EBF3: variants seen among roughly 807,000 people sequenced by gnomAD.
The protein encoded by EBF3 is EBF transcription factor 3, also known as transcription factor COE3.
A neutral mutation model predicts 77.1 loss-of-function variants in EBF3; 18 were observed. The ratio of observed to expected loss-of-function variants is 0.23; its 90% confidence interval spans 0.16 to 0.35. EBF3 has a LOEUF of 0.35. Among genes scored for constraint, EBF3 ranks in the 10% least tolerant of loss-of-function variants. EBF3 has a pLI of 1.00. For missense variants in EBF3, 558 were observed against 860.0 expected, an observed-to-expected ratio of 0.65 and a Z score of 4.39; for synonymous variants, 350 against 343.5, an observed-to-expected ratio of 1.02 and a Z score of -0.21.
At chr10:129,959,496 G>A (rs1038760197) in intron 4 of EBF3, among the ~76,000 whole-genome samples, 12 of 152,072 alleles carry the variant, frequency 7.9e-5, no homozygotes, top group Non-Finnish European at 1.5e-4. Context: ...AGCAGGGAAG[G>A]ATGGTCGCGG....
intron 6 of EBF3, among the ~76,000 whole-genome samples, chr10:129,919,131 C>T (rs1353097360): frequency 2.6e-5 from 4 of 152,288 alleles, no homozygotes; most frequent in South Asian, 2.1e-4. Context: ...CCAAACACAA[C>T]GCAGACCAAG....
rs534733459 is a variant in EBF3 at position 129,943,447 on chromosome 10, C to G, written c.554+13811G>C. On this transcript the variant is annotated intron_variant, in intron 6 of 16. Coordinates refer to ENST00000440978, the MANE Select transcript of EBF3 (RefSeq NM_001375380.1). The surrounding 1 kb of genome is among the most constrained non-coding windows in gnomAD (Gnocchi z 8.8). ...AAAAGTATCGCTAAAATTTGATGTC[C>G]CTTGGGATTTGTGGTTTTCTCCATC... is the stretch of plus-strand genomic sequence containing the variant. Among the ~76,000 whole-genome samples the G allele has an allele frequency of 6.6e-6, 1 of 152,214 alleles. No individual in the cohort carries two copies. The highest frequency in any genetic ancestry group is 2.4e-5 in the African/African-American group (1 of 41,528).
At position 129,838,875 on chromosome 10, in the gene EBF3, G is replaced by A. The variant is rs577504054; in HGVS notation, c.1872+208C>T. Among the ~76,000 whole-genome samples, 5 of 152,292 alleles carry A rather than the reference G, an allele frequency of 3.3e-5. 1 individual carries two copies. The South Asian group carries it at 8.3e-4, about 25-fold the overall frequency. ...ACTTTACGGTTTGGAAGCCCTGTGC[G>A]TACACACCGCGTAGGAGGTGCCGTC... is the stretch of plus-strand genomic sequence containing the variant. On this transcript the variant is annotated intron_variant, in intron 16 of 16. Transcript: ENST00000440978.
At chr10:129,884,914 C>T (rs1269193597) in intron 6 of EBF3, among the ~76,000 whole-genome samples, 2 of 152,168 alleles carry the variant, frequency 1.3e-5, no homozygotes, top group East Asian at 1.9e-4. Context: ...AGTAACCACA[C>T]CGCATTAACA....
At chr10:129,890,782 C>G (rs936057014) in intron 6 of EBF3, among the ~76,000 whole-genome samples, 4 of 152,154 alleles carry the variant, frequency 2.6e-5, no homozygotes, top group Admixed American at 6.5e-5. Flanking sequence ...CAACTTCATG[C>G]TCGTGATCTA....
intron 6 of EBF3, among the ~76,000 whole-genome samples, chr10:129,892,520 C>T (rs575640916): frequency 4.6e-5 from 7 of 152,278 alleles, no homozygotes; most frequent in East Asian, 1.9e-4. Context: ...CCTCCTGTGA[C>T]GGCTCAGAGA....
chr10:129,852,874 G>A (rs1850991772), intron 10 of EBF3, among the ~76,000 whole-genome samples: 1 of 152,202 alleles, frequency 6.6e-6, no homozygotes, highest in Non-Finnish European at 1.5e-5. Flanking sequence ...CCCACCAGCT[G>A]TGGGAAATCC....
chr10:129,952,225 C>T lies in EBF3; in HGVS notation c.554+5033G>A, dbSNP rs1858729839. ...GCCTATCCAATGATAATTATATTCA[C>T]ATCTTTAAGAAAACTGAGAAGGAAA... On this transcript the variant is annotated intron_variant, in intron 6 of 16. Coordinates refer to ENST00000440978, the MANE Select transcript of EBF3 (RefSeq NM_001375380.1). This position sits in a 1 kb window ranked among gnomAD's most constrained non-coding sequence, Gnocchi z 4.7. Among the ~76,000 whole-genome samples, 1 of 152,250 alleles carries T rather than the reference C, an allele frequency of 6.6e-6. No individual in the cohort carries two copies.
At chr10:129,936,025 C>A (rs147845404) in intron 6 of EBF3, among the ~76,000 whole-genome samples, 1 of 152,192 alleles carries the variant, frequency 6.6e-6, no homozygotes, top group Non-Finnish European at 1.5e-5. Context: ...TGCGAGTCAA[C>A]GGCGGCAGGT....
intron 6 of EBF3, among the ~76,000 whole-genome samples, chr10:129,920,719 T>C (rs965302760): frequency 2.6e-5 from 4 of 152,246 alleles, no homozygotes; most frequent in African/African-American, 7.2e-5. Flanking sequence ...ATGAAAGTTG[T>C]GGCCCCGCAC....
rs536919967 is a variant in EBF3 at position 129,890,892 on chromosome 10, C to T, written c.555-13043G>A. Among the ~76,000 whole-genome samples, 12 of 152,280 alleles carry T rather than the reference C, an allele frequency of 7.9e-5. No individual in the cohort carries two copies. In the South Asian group the frequency reaches 8.3e-4, roughly 11 times the overall value. ...GAACTCTCAATTTGTTGTGAGACCG[C>T]GCTACTTTGCCATCCTCAATCTGCA... is the stretch of plus-strand genomic sequence containing the variant. On this transcript the variant is annotated intron_variant, in intron 6 of 16. Coordinates refer to ENST00000440978, the MANE Select transcript of EBF3 (RefSeq NM_001375380.1).
At chr10:129,940,000 C>T (rs552258463) in intron 6 of EBF3, among the ~76,000 whole-genome samples, 39 of 152,362 alleles carry the variant, frequency 2.6e-4, no homozygotes, top group Non-Finnish European at 4.3e-4. Flanking sequence ...TCCCCTCTGA[C>T]GGGGATGTAT....
chr10:129,906,855 GA>G lies in EBF3; in HGVS notation c.555-29007del, dbSNP rs565214750. Among the ~76,000 whole-genome samples, 33 of 149,624 alleles carry G rather than the reference GA, an allele frequency of 2.2e-4. No homozygotes were observed. The South Asian group carries it at 2.5e-3, about 12-fold the overall frequency. ...AGAAACTTACTTGACAAGTACCAGG[GA>G]AAAAAAAAATTTCCCTTTTAGCCCA... On this transcript the variant is annotated intron_variant, in intron 6 of 16. Coordinates refer to ENST00000440978, the MANE Select transcript of EBF3 (RefSeq NM_001375380.1).
intron 6 of EBF3, among the ~76,000 whole-genome samples, chr10:129,939,516 TG>T (rs1430688506): frequency 6.6e-5 from 10 of 152,250 alleles, no homozygotes; most frequent in Admixed American, 5.2e-4. Context: ...TTTTTGTTTT[TG>T]TTTTTTGTTT....
chr10:129,934,422 A>G (rs1371008117), intron 6 of EBF3, among the ~76,000 whole-genome samples: 1 of 152,088 alleles, frequency 6.6e-6, no homozygotes, highest in Non-Finnish European at 1.5e-5. Flanking sequence ...TAGGTGCCCA[A>G]TAAATACCAG....
At chr10:129,920,283 A>T (rs1298695372) in intron 6 of EBF3, among the ~76,000 whole-genome samples, 1 of 145,770 alleles carries the variant, frequency 6.9e-6, no homozygotes, top group East Asian at 2.1e-4. Context: ...GAGTATCTCC[A>T]GGAGGGCCAC....
At chr10:129,882,027 C>T (rs150969884) in intron 6 of EBF3, among the ~76,000 whole-genome samples, 34 of 152,342 alleles carry the variant, frequency 2.2e-4, no homozygotes, top group Non-Finnish European at 3.8e-4. Context: ...TGGGATCAAC[C>T]GTTTTAACTG....
intron 6 of EBF3, among the ~76,000 whole-genome samples, chr10:129,905,809 G>A (rs988344079): frequency 6.6e-6 from 1 of 152,302 alleles, no homozygotes; most frequent in Non-Finnish European, 1.5e-5. Flanking sequence ...CCTCCCCGCT[G>A]GAGGCTGCCC....
intron 4 of EBF3, 25 bp from the exon 5 acceptor site, chr10:129,959,032 G>A (rs776503805): frequency 6.3e-7 from 1 of 1,597,174 alleles, no homozygotes; most frequent in Non-Finnish European, 8.5e-7. Flanking sequence ...AGCAGAGGCT[G>A]GGGTTACGCG....
Sources: allele counts gnomAD v4.1 joint callset (sites outside exome capture counted in the v4.1 genomes callset), GRCh38; gene constraint gnomAD v4.1.1; non-coding constraint Gnocchi (gnomAD v3.1); transcripts MANE v1.5; gene names NCBI Gene and HGNC (gene_info 2026-07-23, HGNC 2026-07-21).